The following ZNF438 variants were observed in gnomAD, a reference collection of about 807,000 sequenced individuals.
ZNF438 encodes the protein zinc finger protein 438.
Under a neutral mutation model 38.0 loss-of-function variants are expected in ZNF438, and 25 were observed. That is an observed-to-expected ratio of 0.66 (90% CI 0.48 to 0.92). ZNF438 has a LOEUF of 0.92. ZNF438 is among the 40% of genes least tolerant of loss of function. The pLI is 0.00. For missense variants in ZNF438, 1,007 were observed against 999.6 expected (o/e 1.01, Z -0.10); for synonymous variants, 372 against 364.1 (o/e 1.02, Z -0.25).
At chr10:30,949,673 G>A (rs1382413839) in intron 1 of ZNF438, among the ~76,000 whole-genome samples, 1 of 152,046 alleles carries the variant, frequency 6.6e-6, no homozygotes, top group African/African-American at 2.4e-5. Context: ...ATGGTAAAGG[G>A]ATCAATTCAA....
At chr10:30,865,698 G>C (rs10826878) in intron 4 of ZNF438, among the ~76,000 whole-genome samples, 57,002 of 152,066 alleles carry the variant, frequency 0.37, 11,037 homozygotes, top group Admixed American at 0.41. Flanking sequence ...TTCTTTTTGC[G>C]GAAGGCTGGG....
At chr10:30,870,512 T>C (rs946248511) in intron 4 of ZNF438, among the ~76,000 whole-genome samples, 2 of 152,188 alleles carry the variant, frequency 1.3e-5, no homozygotes, top group African/African-American at 2.4e-5. Context: ...GGGTGCTGTC[T>C]AGTGCTCCTA....
chr10:30,962,313 C>T (rs1166774368), intron 1 of ZNF438, among the ~76,000 whole-genome samples: 1 of 147,310 alleles, frequency 6.8e-6, no homozygotes, highest in Non-Finnish European at 1.5e-5. Context: ...CCTTCTTCCT[C>T]CCAACCTATG....
intron 1 of ZNF438, among the ~76,000 whole-genome samples, chr10:30,976,542 G>T (rs1470491321): frequency 6.6e-6 from 1 of 152,128 alleles, no homozygotes; most frequent in East Asian, 1.9e-4. Context: ...AGAAGTTCAA[G>T]ACCAGTCTGG....
chr10:30,940,937 G>C (rs968412483), intron 2 of ZNF438, among the ~76,000 whole-genome samples: 2 of 150,074 alleles, frequency 1.3e-5, no homozygotes, highest in Non-Finnish European at 3.0e-5. Flanking sequence ...ATATATATTA[G>C]CTACAACGCA....
intron 3 of ZNF438, among the ~76,000 whole-genome samples, chr10:30,901,946 C>T (rs1031277201): frequency 1.3e-5 from 2 of 151,868 alleles, no homozygotes; most frequent in Non-Finnish European, 2.9e-5. Flanking sequence ...CTTAAGGTGG[C>T]GCGTCTGGAG....
intron 1 of ZNF438, among the ~76,000 whole-genome samples, chr10:30,967,891 T>C (rs1589474251): frequency 2.6e-5 from 4 of 152,164 alleles, no homozygotes; most frequent in Admixed American, 2.6e-4. Context: ...ATGTGAACAG[T>C]AACCCTTTCA....
intron 1 of ZNF438, among the ~76,000 whole-genome samples, chr10:31,015,113 G>T (rs188817932): frequency 4.6e-5 from 7 of 152,270 alleles, no homozygotes; most frequent in Admixed American, 4.6e-4. Context: ...TCCTCCGAAA[G>T]CACGTCGGCT....
intron 3 of ZNF438, among the ~76,000 whole-genome samples, chr10:30,900,057 T>G (rs2134226785): frequency 6.6e-6 from 1 of 152,282 alleles, no homozygotes; most frequent in East Asian, 1.9e-4. Flanking sequence ...ATATTTTCAG[T>G]TTTGTGGACC....
intron 4 of ZNF438, among the ~76,000 whole-genome samples, chr10:30,870,632 C>A (rs1003244709): frequency 6.6e-6 from 1 of 152,054 alleles, no homozygotes; most frequent in Non-Finnish European, 1.5e-5. Flanking sequence ...AAAAAATTAA[C>A]CCTGTCTATT....
chr10:31,005,345 G>A (rs1225006909), intron 1 of ZNF438, among the ~76,000 whole-genome samples: 1 of 152,140 alleles, frequency 6.6e-6, no homozygotes, highest in East Asian at 1.9e-4. Flanking sequence ...AGGAGATCCT[G>A]CCATTTGCTA....
At chr10:30,989,485 T>C (rs2053234295) in intron 1 of ZNF438, among the ~76,000 whole-genome samples, 1 of 152,224 alleles carries the variant, frequency 6.6e-6, no homozygotes, top group Non-Finnish European at 1.5e-5. Context: ...CCAATAACCC[T>C]GACCCTTAGC....
chr10:30,975,213 G>A (rs2051204815), intron 1 of ZNF438, among the ~76,000 whole-genome samples: 1 of 152,110 alleles, frequency 6.6e-6, no homozygotes, highest in Non-Finnish European at 1.5e-5. Flanking sequence ...CTAAGACCCT[G>A]CTTCCCTAAA....
At chr10:30,980,344 G>A (rs1035510031) in intron 1 of ZNF438, among the ~76,000 whole-genome samples, 3 of 151,982 alleles carry the variant, frequency 2.0e-5, no homozygotes, top group East Asian at 3.9e-4. Context: ...GTTAGAAGAC[G>A]ATATTATCAC....
chr10:30,850,985 A>G (rs992097994), intron 4 of ZNF438, among the ~76,000 whole-genome samples: 3 of 152,224 alleles, frequency 2.0e-5, no homozygotes, highest in African/African-American at 7.2e-5. Context: ...ACTGAATGCT[A>G]GCTTTGTTGC....
chr10:30,917,576 A>C (rs2043798060), intron 2 of ZNF438, among the ~76,000 whole-genome samples: 1 of 152,166 alleles, frequency 6.6e-6, no homozygotes, highest in Admixed American at 6.5e-5. Flanking sequence ...CATGCTTACT[A>C]ATCATTTGAA....
rs114484624 is a variant in ZNF438, at chr10:30,990,330, A to T, written c.-192+41503T>A. 9.4e-3 allele frequency among the ~76,000 whole-genome samples: 1,430 copies of T among 152,340 alleles called. 20 individuals are homozygous for T. Among genetic ancestry groups the T allele is most frequent in the African/African-American group, 0.032 (1,326 of 41,582 alleles). ...AGAATTAGAATGTTACTATTTTTCA[A>T]ACCTTAATGAACAAATAGATACAAA... On this transcript the variant is annotated intron_variant, in intron 1 of 5. Transcript: ENST00000413025.
intron 1 of ZNF438, among the ~76,000 whole-genome samples, chr10:31,029,463 TCACTTCTCC>T (rs1228346735): frequency 6.6e-6 from 1 of 152,170 alleles, no homozygotes; most frequent in Non-Finnish European, 1.5e-5. Context: ...TAAAAAATCA[TCACTTCTCC>T]CTTTTCTTCA....
At chr10:30,954,946 G>A (rs1589407588) in intron 1 of ZNF438, among the ~76,000 whole-genome samples, 1 of 152,264 alleles carries the variant, frequency 6.6e-6, no homozygotes, top group East Asian at 1.9e-4. Context: ...GAGCCAGGGA[G>A]AATCATTATC....
Sources: allele counts gnomAD v4.1 joint callset (sites outside exome capture counted in the v4.1 genomes callset), GRCh38; gene constraint gnomAD v4.1.1; transcripts MANE v1.5; gene names NCBI Gene and HGNC (gene_info 2026-07-23, HGNC 2026-07-21).